FOCAD: variants seen among roughly 807,000 people sequenced by gnomAD.
FOCAD encodes focadhesin, also known as KIAA1797.
Under a neutral mutation model 225.6 loss-of-function variants are expected in FOCAD, and 198 were observed. The ratio of observed to expected loss-of-function variants is 0.88; its 90% CI spans 0.78 to 0.99. The LOEUF (loss-of-function observed/expected upper bound fraction) is 0.99. Ranked by LOEUF, FOCAD falls within the 50% of genes least tolerant of loss-of-function variation. FOCAD has a pLI of 0.00. For missense variants in FOCAD, 2,713 were observed against 2,123.6 expected, an observed-to-expected ratio of 1.28 and a Z score of -5.46; for synonymous variants, 897 against 755.0, an observed-to-expected ratio of 1.19 and a Z score of -3.08.
chr9:20,767,252 C>T (rs1275918844), intron 7 of FOCAD, among the ~76,000 whole-genome samples: 1 of 151,132 alleles, frequency 6.6e-6, no homozygotes, highest in Non-Finnish European at 1.5e-5. Context: ...GGTTCCAAGT[C>T]TTTGCTATTG....
intron 11 of FOCAD, among the ~76,000 whole-genome samples, chr9:20,793,529 A>T (rs571547710): frequency 6.6e-6 from 1 of 152,306 alleles, no homozygotes; most frequent in South Asian, 2.1e-4. Context: ...CATTGAAGGA[A>T]TTGTAACTTT....
intron 11 of FOCAD, among the ~76,000 whole-genome samples, chr9:20,818,930 T>C (rs1824022123): frequency 6.6e-6 from 1 of 152,154 alleles, no homozygotes; most frequent in Admixed American, 6.6e-5. Context: ...TGATAAAGAT[T>C]GCATTTAATT....
At chr9:20,939,161 A>AAAAAAAAAAAAAAAAAAAG (rs1564179288) in intron 28 of FOCAD, among the ~76,000 whole-genome samples, 3 of 150,374 alleles carry the variant, frequency 2.0e-5, no homozygotes, top group African/African-American at 7.3e-5. Flanking sequence ...AAAAAAAAAA[A>AAAAAAAAAAAAAAAAAAAG]AAAAAAGAGT....
chr9:20,822,499 C>T (rs541115248), intron 14 of FOCAD, among the ~76,000 whole-genome samples: 8 of 151,874 alleles, frequency 5.3e-5, no homozygotes, highest in African/African-American at 1.9e-4. Context: ...GGAGCTCAGT[C>T]GGTTATAGTT....
At position 20,783,795 on chromosome 9, in the gene FOCAD, C is replaced by G. The variant is rs540056250; in HGVS notation, c.1197+1866C>G. Among the ~76,000 whole-genome samples the G allele has an allele frequency of 5.6e-4, 85 of 152,244 alleles. 2 individuals are homozygous for G. In the South Asian group the frequency reaches 0.017, roughly 31 times the overall value. ...CATTCTGCTTCCTCCTTGTTCTCCT[C>G]CACTCCCGCAAGAGAATGTGGGGGA... On this transcript the variant is annotated intron_variant, in intron 10 of 43. Coordinates refer to ENST00000338382, the MANE Select transcript of FOCAD (RefSeq NM_001375567.1).
chr9:20,663,816 C>T (rs1230301003), intron 2 of FOCAD, among the ~76,000 whole-genome samples: 3 of 152,222 alleles, frequency 2.0e-5, no homozygotes, highest in African/African-American at 7.2e-5. Context: ...TAAAAACCAT[C>T]TCAAGTATCC....
intron 4 of FOCAD, among the ~76,000 whole-genome samples, chr9:20,722,891 A>G (rs1378942020): frequency 2.6e-5 from 4 of 152,328 alleles, no homozygotes; most frequent in South Asian, 4.1e-4. Flanking sequence ...CTGCAAATGT[A>G]AAATGTAATT....
chr9:20,891,904 G>A (rs1286119552), intron 21 of FOCAD, among the ~76,000 whole-genome samples: 2 of 152,174 alleles, frequency 1.3e-5, no homozygotes, highest in Non-Finnish European at 2.9e-5. Flanking sequence ...GTCAGTGCCT[G>A]AAGGACAGGC....
At chr9:20,935,323 T>C (rs1056588559) in intron 28 of FOCAD, among the ~76,000 whole-genome samples, 2 of 152,232 alleles carry the variant, frequency 1.3e-5, no homozygotes, top group Admixed American at 6.5e-5. Flanking sequence ...GACCTTAGTT[T>C]TGACTTACGT....
rs763980249 is a variant in FOCAD, at chr9:20,717,803, C to T, written c.67C>T (p.His23Tyr). 1.9e-6 allele frequency: 3 copies of T among 1,611,282 alleles called. No individual in the cohort carries two copies. Among genetic ancestry groups the T allele is most frequent in the Admixed American group, 3.3e-5 (2 of 59,960 alleles). Residue 23 changes from histidine (H) to tyrosine (Y), a missense_variant, in exon 3 of 44, where the codon CAT becomes TAT. Physicochemically the swap from His to Tyr is moderately conservative, Grantham distance 83. Transcript: ENST00000338382. ...TTTATTTCTTTTTAAGGCTGTGGGT[C>T]ATCTTATTGCTGCAGTCCTAAAGGA... ...NSLIQSQAVG[H>Y]LIAAVLKENG...
intron 29 of FOCAD, among the ~76,000 whole-genome samples, 194 bp downstream of exon 29, chr9:20,944,968 A>G (rs1050858746): frequency 2.6e-5 from 4 of 152,230 alleles, no homozygotes; most frequent in African/African-American, 9.6e-5. Flanking sequence ...ACTTAAACCT[A>G]AATGTGGCAT....
intron 32 of FOCAD, 45 bp from the exon 33 acceptor site, chr9:20,949,554 AACTTT>A: frequency 7.8e-7 from 1 of 1,275,298 alleles, no homozygotes; most frequent in South Asian, 1.2e-5. Context: ...TATAACTCTT[AACTTT>A]TTTATGGGGG....
At chr9:20,949,807 G>A in intron 33 of FOCAD, 132 bp downstream of exon 33, 2 of 737,734 alleles carry the variant, frequency 2.7e-6, no homozygotes, top group Non-Finnish European at 4.6e-6. Context: ...GAGTTCAAGA[G>A]GCATTTGGGA....
intron 4 of FOCAD, among the ~76,000 whole-genome samples, chr9:20,738,703 T>C (rs941713269): frequency 2.0e-5 from 3 of 152,212 alleles, no homozygotes; most frequent in Non-Finnish European, 2.9e-5. Context: ...AGAATCCATT[T>C]AGGCACTAAA....
chr9:20,937,605 A>T (rs1414945213), intron 28 of FOCAD, among the ~76,000 whole-genome samples: 1 of 152,228 alleles, frequency 6.6e-6, no homozygotes, highest in Admixed American at 6.5e-5. Context: ...CTTACATGTT[A>T]GACCTAAAAC....
intron 33 of FOCAD, 133 bp from the exon 34 acceptor site, chr9:20,950,863 T>A: frequency 2.9e-6 from 2 of 698,532 alleles, no homozygotes; most frequent in Non-Finnish European, 5.2e-6. Flanking sequence ...TGATATTACA[T>A]CTTGTCATAG....
intron 11 of FOCAD, among the ~76,000 whole-genome samples, chr9:20,806,424 C>T (rs1469532686): frequency 6.6e-6 from 1 of 152,144 alleles, no homozygotes; most frequent in Non-Finnish European, 1.5e-5. Flanking sequence ...GAACCCAGAA[C>T]TAATTTTGTA....
intron 1 of FOCAD, among the ~76,000 whole-genome samples, chr9:20,704,742 C>G (rs769574316): frequency 2.6e-5 from 4 of 152,176 alleles, no homozygotes; most frequent in African/African-American, 9.7e-5. Flanking sequence ...TTGCTGCTCA[C>G]TTTATGACAC....
intron 4 of FOCAD, among the ~76,000 whole-genome samples, chr9:20,734,589 CAG>C (rs1826978730): frequency 6.6e-6 from 1 of 152,090 alleles, no homozygotes; most frequent in Non-Finnish European, 1.5e-5. Context: ...TTCCTAATGA[CAG>C]ACATGTGTTT....
Sources: gnomAD v4.1 joint callset for allele counts (sites outside exome capture counted in the v4.1 genomes callset) on GRCh38, gnomAD v4.1.1 for gene constraint, MANE v1.5 for transcripts, NCBI Gene and HGNC (gene_info 2026-07-23, HGNC 2026-07-21) for gene names.